The following GRB14 variants were observed in gnomAD, a reference collection of about 807,000 sequenced individuals.
The protein encoded by GRB14 is growth factor receptor bound protein 14.
In GRB14, 38 loss-of-function variants were observed where a neutral mutation model predicts 69.1. The observed-to-expected ratio is 0.55, with a 90% CI of 0.42 to 0.72. The LOEUF is 0.72. Ranked by LOEUF, GRB14 falls within the 30% of genes least tolerant of loss-of-function variation. The pLI, the probability that GRB14 is intolerant of heterozygous loss-of-function variation, is 0.00. For synonymous variants in GRB14, 247 were observed against 241.3 expected (o/e 1.02, Z -0.22); for missense variants, 666 against 666.1 (o/e 1.00, Z 0.00).
rs761775253 is a variant in GRB14, at chr2:164,493,099, A to C, written c.1560T>G (p.Tyr520Ter). ...FTDLIQLVEF[Y>*]QLNKGVLPCK... ...AAGGAAGAACGCCCTTATTGAGTTG[A>C]TAGAACTCCACCAGCTGTATTAGAT... The change falls in exon 14 of 14, where the codon TAT becomes TAG. Residue 520 changes from tyrosine (Y) to a stop codon, truncating the protein, a stop_gained. Coordinates refer to ENST00000263915, the MANE Select transcript of GRB14 (RefSeq NM_004490.3). LOFTEE classifies it high-confidence loss of function. 2 of 1,613,526 alleles carry C rather than the reference A, an allele frequency of 1.2e-6. No individual in the cohort carries two copies. Among genetic ancestry groups the C allele is most frequent in the Non-Finnish European group, 8.5e-7 (1 of 1,179,650 alleles).
intron 2 of GRB14, among the ~76,000 whole-genome samples, chr2:164,582,226 G>T (rs918173895): frequency 2.6e-5 from 4 of 152,026 alleles, no homozygotes; most frequent in African/African-American, 7.2e-5. Context: ...CCTCCATCCA[G>T]CATTTCTAGT....
rs1261357596 is a variant in GRB14, at chr2:164,547,698, C to T, written c.443G>A (p.Ser148Asn). 1.9e-6 allele frequency: 3 copies of T among 1,613,834 alleles called. No homozygotes were observed. The highest frequency in any genetic ancestry group is 2.5e-6 in the Non-Finnish European group (3 of 1,179,830). Residue 148 changes from serine to asparagine, a missense_variant, in exon 3 of 14, where the codon AGC (serine) becomes AAC (asparagine). By Grantham distance (46) the Ser-to-Asn change is conservative. Coordinates refer to ENST00000263915, the MANE Select transcript of GRB14 (RefSeq NM_004490.3). The stretch of plus-strand genomic sequence containing the variant: ...AGGCAGGTGCTCAAAAAGGGTCCAG[C>T]TGTGGTCATCAATGTAATGATTCTT... ...ILKNHYIDDH[S>N]WTLFEHLPHI...
chr2:164,566,325 C>G (rs1050979357), intron 2 of GRB14, among the ~76,000 whole-genome samples: 8 of 152,010 alleles, frequency 5.3e-5, no homozygotes, highest in South Asian at 2.1e-4. Flanking sequence ...ACATTAAGAT[C>G]TTCAGAACAA....
At chr2:164,493,675 A>G (rs982210296) in intron 13 of GRB14, among the ~76,000 whole-genome samples, 3 of 152,164 alleles carry the variant, frequency 2.0e-5, no homozygotes, top group Non-Finnish European at 4.4e-5. Flanking sequence ...GTCTTCTGGT[A>G]CTAAACAATT....
At chr2:164,545,267 C>A (rs967056384) in intron 3 of GRB14, among the ~76,000 whole-genome samples, 1 of 151,986 alleles carries the variant, frequency 6.6e-6, no homozygotes, top group African/African-American at 2.4e-5. Context: ...GAACTATAGC[C>A]CCCGAAAGAT....
intron 8 of GRB14, among the ~76,000 whole-genome samples, chr2:164,506,369 T>C (rs1687188907): frequency 6.6e-6 from 1 of 152,176 alleles, no homozygotes; most frequent in Non-Finnish European, 1.5e-5. Context: ...TTCATTTAAA[T>C]CATTTGTTAA....
intron 2 of GRB14, among the ~76,000 whole-genome samples, chr2:164,583,849 T>C (rs1033781074): frequency 6.6e-6 from 1 of 152,222 alleles, no homozygotes; most frequent in Non-Finnish European, 1.5e-5. Flanking sequence ...TCGATGAAAT[T>C]GGACTTTTCT....
At chr2:164,560,010 T>C (rs1688780199) in intron 2 of GRB14, among the ~76,000 whole-genome samples, 1 of 152,220 alleles carries the variant, frequency 6.6e-6, no homozygotes, top group Non-Finnish European at 1.5e-5. Flanking sequence ...GAAGGGTTCC[T>C]GGAGAACATC....
rs1686934061 is a variant in GRB14 at position 164,497,434 on chromosome 2, T to C, written c.1161A>G (p.Arg387=). The C allele has an allele frequency of 6.2e-7, 1 of 1,613,744 alleles. No individual in the cohort carries two copies. The highest frequency in any genetic ancestry group is 1.7e-5 in the Admixed American group (1 of 59,982). The change falls in exon 10 of 14, where the codon AGA becomes AGG. Residue 387 remains arginine (R), a synonymous_variant. Coordinates refer to ENST00000263915, the MANE Select transcript of GRB14 (RefSeq NM_004490.3). ...GGGCTTCAGTGGGATTTTCTATAAC[T>C]CTGCTTTTCTGGCCTGAGAAGTCCA... ...VAMDFSGQKS[R]VIENPTEALS...
chr2:164,535,833 A>G (rs993146753), intron 3 of GRB14, among the ~76,000 whole-genome samples: 1 of 152,222 alleles, frequency 6.6e-6, no homozygotes, highest in Non-Finnish European at 1.5e-5. Context: ...AAATTGTGAC[A>G]CTTCAGCTTG....
At chr2:164,564,109 T>A (rs1334773558) in intron 2 of GRB14, among the ~76,000 whole-genome samples, 1 of 152,118 alleles carries the variant, frequency 6.6e-6, no homozygotes. Flanking sequence ...GGCTTTAGGA[T>A]GAGAACACAG....
chr2:164,516,604 G>A (rs1345015807), intron 6 of GRB14, among the ~76,000 whole-genome samples: 2 of 151,994 alleles, frequency 1.3e-5, no homozygotes, highest in Non-Finnish European at 2.9e-5. Flanking sequence ...ATAATTATCA[G>A]CCAAAAATTT....
At chr2:164,527,862 C>G (rs894701700) in intron 3 of GRB14, among the ~76,000 whole-genome samples, 6 of 151,806 alleles carry the variant, frequency 4.0e-5, no homozygotes, top group Admixed American at 6.6e-5. Flanking sequence ...ATGCGAAATT[C>G]CTATTTTTAT....
chr2:164,517,051 AGATATAC>A (rs1166626624), intron 6 of GRB14, among the ~76,000 whole-genome samples: 2 of 152,070 alleles, frequency 1.3e-5, no homozygotes, highest in Non-Finnish European at 2.9e-5. Context: ...CTGCTGATAA[AGATATAC>A]TTTATCAGCA....
In GRB14 at chr2:164,525,096, T is replaced by C. The variant is rs766200627; in HGVS notation, c.604-18A>G. On this transcript the variant is annotated intron_variant, in intron 4 of 13. Coordinates refer to ENST00000263915, the MANE Select transcript of GRB14 (RefSeq NM_004490.3). ...AAAAAATACTGTCAAAAAGACACAG[T>C]TAAATTATCACAAAATTCATGCTAG... is the stretch of plus-strand genomic sequence containing the variant. 2.1e-6 allele frequency: 3 copies of C among 1,460,334 alleles called. No homozygotes were observed. Among genetic ancestry groups the C allele is most frequent in the South Asian group, 2.4e-5 (2 of 83,952 alleles). 90.5% of individuals were successfully genotyped at this position (1,460,334 alleles called of 1,614,324 possible). A position where few individuals can be genotyped will look rare whatever the true frequency, so the allele number is the denominator to read the frequency against.
chr2:164,566,821 T>C (rs1418310537), intron 2 of GRB14, among the ~76,000 whole-genome samples: 1 of 152,180 alleles, frequency 6.6e-6, no homozygotes, highest in African/African-American at 2.4e-5. Context: ...CTGAAGATAT[T>C]ATTTACTGAA....
intron 2 of GRB14, among the ~76,000 whole-genome samples, chr2:164,565,030 A>G (rs985652914): frequency 5.9e-5 from 9 of 152,092 alleles, no homozygotes; most frequent in African/African-American, 1.9e-4. Context: ...ACAAACAAAT[A>G]AACAAACAAA....
intron 2 of GRB14, among the ~76,000 whole-genome samples, chr2:164,616,193 G>A (rs910524048): frequency 6.6e-6 from 1 of 152,096 alleles, no homozygotes; most frequent in Admixed American, 6.5e-5. Flanking sequence ...GGGAGGCCAA[G>A]GCGGGTGGAT....
intron 2 of GRB14, 28 bp from the exon 3 acceptor site, chr2:164,547,844 C>T: frequency 6.6e-7 from 1 of 1,519,708 alleles, no homozygotes; most frequent in South Asian, 1.3e-5. Flanking sequence ...AGAAAAAGAC[C>T]TAAAATATTC....
Sources: allele counts gnomAD v4.1 joint callset (sites outside exome capture counted in the v4.1 genomes callset), GRCh38; gene constraint gnomAD v4.1.1; transcripts MANE v1.5; gene names NCBI Gene and HGNC (gene_info 2026-07-23, HGNC 2026-07-21).